Variants in CACNB2 observed in about 807,000 individuals in gnomAD.
The protein encoded by CACNB2 is voltage-dependent L-type calcium channel subunit beta-2.
In CACNB2, 42 loss-of-function variants were observed where a neutral mutation model predicts 73.3. The observed-to-expected ratio is 0.57, with a 90% CI of 0.45 to 0.74. CACNB2 has a LOEUF of 0.74. Ranked by LOEUF, CACNB2 falls within the 30% of genes least tolerant of loss-of-function variation. The pLI is 0.00. For synonymous variants in CACNB2, 348 were observed against 310.3 expected (o/e 1.12, Z -1.28); for missense variants, 940 against 853.0 (o/e 1.10, Z -1.27).
intron 2 of CACNB2, among the ~76,000 whole-genome samples, chr10:18,362,313 A>T (rs1432659417): frequency 1.3e-5 from 2 of 152,166 alleles, no homozygotes; most frequent in Non-Finnish European, 2.9e-5. Context: ...ATTTTGTTTC[A>T]GTTATAGCTA....
intron 2 of CACNB2, among the ~76,000 whole-genome samples, chr10:18,203,258 A>G (rs1475613): frequency 0.052 from 7,990 of 152,278 alleles, 623 homozygotes; most frequent in African/African-American, 0.17. Flanking sequence ...ATCACAGAGT[A>G]GTTAAATACC....
At chr10:18,301,647 T>C (rs1588982954) in intron 2 of CACNB2, among the ~76,000 whole-genome samples, 3 of 149,296 alleles carry the variant, frequency 2.0e-5, no homozygotes, top group African/African-American at 7.3e-5. Flanking sequence ...TTTCTCTCTT[T>C]TTTTTTTTTT....
At chr10:18,141,160 G>A in intron 1 of CACNB2, 1 of 1,547,490 alleles carries the variant, frequency 6.5e-7, no homozygotes, top group Non-Finnish European at 8.7e-7. Flanking sequence ...CCCCTTCCCG[G>A]GAGAGGCACA....
intron 2 of CACNB2, chr10:18,260,830 A>T: frequency 9.8e-7 from 1 of 1,025,394 alleles, no homozygotes. Flanking sequence ...TGCTTTTCAA[A>T]AGCAGAGTAC....
At chr10:18,262,403 A>G (rs1176996521) in intron 2 of CACNB2, among the ~76,000 whole-genome samples, 1 of 150,618 alleles carries the variant, frequency 6.6e-6, no homozygotes, top group Non-Finnish European at 1.5e-5. Context: ...AGCATGAAAA[A>G]CCCCTTTTAT....
At chr10:18,312,353 TA>T (rs551033602) in intron 2 of CACNB2, among the ~76,000 whole-genome samples, 1 of 152,186 alleles carries the variant, frequency 6.6e-6, no homozygotes, top group African/African-American at 2.4e-5. Flanking sequence ...CTCCTTTACA[TA>T]AAAAAATATT....
At chr10:18,534,975 C>A (rs1241464755) in intron 11 of CACNB2, among the ~76,000 whole-genome samples, 1 of 152,180 alleles carries the variant, frequency 6.6e-6, no homozygotes, top group East Asian at 1.9e-4. Context: ...AGCTTTCAGA[C>A]AACAATCAGA....
chr10:18,525,710 CTTT>C (rs2052400323), intron 9 of CACNB2, among the ~76,000 whole-genome samples: 1 of 152,052 alleles, frequency 6.6e-6, no homozygotes, highest in Admixed American at 6.6e-5. Flanking sequence ...CCTCTGTCTT[CTTT>C]ATTATCTTTT....
intron 2 of CACNB2, among the ~76,000 whole-genome samples, chr10:18,256,313 C>G (rs929325743): frequency 6.6e-6 from 1 of 152,164 alleles, no homozygotes; most frequent in Non-Finnish European, 1.5e-5. Context: ...AGTATACAAG[C>G]TCAAAAGCTT....
chr10:18,240,010 A>G (rs1048379628), intron 2 of CACNB2, among the ~76,000 whole-genome samples: 1 of 152,128 alleles, frequency 6.6e-6, no homozygotes, highest in African/African-American at 2.4e-5. Context: ...AGCTGTAACA[A>G]TCTCACATGA....
At chr10:18,408,511 T>G (rs1311538472) in intron 3 of CACNB2, among the ~76,000 whole-genome samples, 5 of 152,074 alleles carry the variant, frequency 3.3e-5, no homozygotes, top group African/African-American at 1.2e-4. Flanking sequence ...AGTTCTGGGA[T>G]TACAAGCATG....
Position 18,140,832 on chromosome 10 carries a change from G to C in CACNB2, c.96G>C (p.Ala32=), listed in dbSNP as rs1057522395. Residue 32 remains alanine (A), a synonymous_variant, in exon 1 of 14, where the codon GCG becomes GCC. Transcript: ENST00000324631. The stretch of plus-strand genomic sequence containing the variant: ...AACTGCTAGAGAACGTGGCTCCCGC[G>C]GGGGCGCTCGGAGCCGCCGCACAGG... The part of the protein sequence containing the change: ...QMELLENVAP[A]GALGAAAQSY... 2 of 1,602,890 alleles carry C rather than the reference G, an allele frequency of 1.2e-6. No homozygotes were observed. Among genetic ancestry groups the C allele is most frequent in the Non-Finnish European group, 1.7e-6 (2 of 1,176,462 alleles).
chr10:18,465,682 CT>C lies in CACNB2; in HGVS notation c.334-32657del, dbSNP rs1264310420. ...AGATAAGTACGTCATCCAACTTCTT[CT>C]TTTTTTTTTTTTTTTCAAGATGGCC... On this transcript the variant is annotated intron_variant, in intron 3 of 13. Coordinates refer to ENST00000324631, the MANE Select transcript of CACNB2 (RefSeq NM_201596.3). 3.7e-3 allele frequency among the ~76,000 whole-genome samples: 517 copies of C among 138,238 alleles called. 2 individuals carry two copies. The highest frequency in any genetic ancestry group is 0.016 in the South Asian group (68 of 4,262). The allele number at this position is 138,238 out of a possible 152,430, so 90.7% of individuals were successfully genotyped here.
chr10:18,435,365 C>T (rs1479303715), intron 3 of CACNB2, among the ~76,000 whole-genome samples: 1 of 152,164 alleles, frequency 6.6e-6, no homozygotes, highest in East Asian at 1.9e-4. Context: ...TCTACATGAA[C>T]AGAAAAATTT....
intron 2 of CACNB2, among the ~76,000 whole-genome samples, chr10:18,187,910 A>T (rs1043712881): frequency 6.6e-6 from 1 of 152,128 alleles, no homozygotes; most frequent in Non-Finnish European, 1.5e-5. Context: ...AATTGTGGAG[A>T]AGTCTTAAAT....
At chr10:18,323,449 A>G (rs2040469178) in intron 2 of CACNB2, among the ~76,000 whole-genome samples, 1 of 151,868 alleles carries the variant, frequency 6.6e-6, no homozygotes, top group Admixed American at 6.6e-5. Flanking sequence ...ATAATATTCC[A>G]TTTTAGAACC....
intron 2 of CACNB2, among the ~76,000 whole-genome samples, chr10:18,346,629 C>T (rs2041468371): frequency 6.6e-6 from 1 of 152,072 alleles, no homozygotes. Flanking sequence ...CAGGGTCTCA[C>T]TCTGTCGCCC....
intron 3 of CACNB2, among the ~76,000 whole-genome samples, chr10:18,457,747 G>A (rs974373601): frequency 9.9e-5 from 15 of 152,124 alleles, no homozygotes; most frequent in Admixed American, 2.0e-4. Flanking sequence ...AAAATTAGTT[G>A]GGCATGGTGG....
rs2054088131 is a variant in CACNB2, at chr10:18,541,939, T to C, written c.*2215T>C. The C allele has an allele frequency of 6.6e-6, 1 of 152,180 alleles. No individual in the cohort carries two copies. Among genetic ancestry groups the C allele is most frequent in the Admixed American group, 6.5e-5 (1 of 15,286 alleles). The allele number at this position is 152,180 out of a possible 1,614,324, so 9.4% of individuals were successfully genotyped here. A position where few individuals can be genotyped will look rare whatever the true frequency, so the allele number is the denominator to read the frequency against. ...AATCTACTTTGTTTTGCTTCCTTGATTATTCCAAGTTCTTACCAAATATTC... is the reference window on the plus strand; with the variant it reads ...AATCTACTTTGTTTTGCTTCCTTGACTATTCCAAGTTCTTACCAAATATTC... On this transcript the variant is annotated 3_prime_UTR_variant, in exon 14 of 14. Coordinates refer to ENST00000324631, the MANE Select transcript of CACNB2 (RefSeq NM_201596.3).
Sources: gnomAD v4.1 joint callset for allele counts (sites outside exome capture counted in the v4.1 genomes callset) on GRCh38, gnomAD v4.1.1 for gene constraint, MANE v1.5 for transcripts, NCBI Gene and HGNC (gene_info 2026-07-23, HGNC 2026-07-21) for gene names.